The following ADAMTS9 variants were observed in gnomAD, a reference collection of about 807,000 sequenced individuals.
The protein encoded by ADAMTS9 is A disintegrin and metalloproteinase with thrombospondin motifs 9.
In ADAMTS9, 107 loss-of-function variants were observed where a neutral mutation model predicts 257.1. The observed-to-expected ratio is 0.42, with a 90% confidence interval of 0.36 to 0.49. ADAMTS9 has a LOEUF of 0.49. ADAMTS9 is among the 20% of genes least tolerant of loss of function. The pLI is 0.03. For missense variants in ADAMTS9, 2,353 were observed against 2,469.1 expected (o/e 0.95, Z 1.00); for synonymous variants, 982 against 880.9 (o/e 1.11, Z -2.03).
chr3:64,522,116 G>C, intron 39 of ADAMTS9, 50 bp downstream of exon 39: 2 of 1,558,254 alleles, frequency 1.3e-6, no homozygotes, highest in Admixed American at 1.7e-5. Flanking sequence ...ATAGGCTACA[G>C]AAAAAAATAA....
chr3:64,538,762 G>A (rs192435792), intron 37 of ADAMTS9, among the ~76,000 whole-genome samples: 69 of 152,028 alleles, frequency 4.5e-4, no homozygotes, highest in Middle Eastern at 3.4e-3. Context: ...TAATGTTGAC[G>A]GCTTGAAATC....
chr3:64,541,013 G>A (rs1437567335), intron 36 of ADAMTS9, 82 bp downstream of exon 36: 1 of 1,565,788 alleles, frequency 6.4e-7, no homozygotes, highest in Non-Finnish European at 8.7e-7. Context: ...GCACCTCCCT[G>A]CTAGCCAATG....
chr3:64,627,602 G>A (rs6445418), intron 16 of ADAMTS9, among the ~76,000 whole-genome samples: 1 of 151,908 alleles, frequency 6.6e-6, no homozygotes, highest in Non-Finnish European at 1.5e-5. Context: ...TGACAGGAAG[G>A]CTTCCTGCTT....
intron 3 of ADAMTS9, among the ~76,000 whole-genome samples, chr3:64,664,876 T>G (rs1276249746): frequency 6.6e-6 from 1 of 152,254 alleles, no homozygotes; most frequent in East Asian, 1.9e-4. Flanking sequence ...TACACCATTT[T>G]CTTGCTTCTT....
chr3:64,646,579 A>G (rs138838278), intron 11 of ADAMTS9, among the ~76,000 whole-genome samples: 39 of 152,364 alleles, frequency 2.6e-4, no homozygotes, highest in African/African-American at 8.9e-4. Context: ...CTGTATTCTC[A>G]GTTGATGAGG....
intron 23 of ADAMTS9, 23 bp downstream of exon 23, chr3:64,606,937 T>C (rs774976042): frequency 1.2e-6 from 2 of 1,612,488 alleles, no homozygotes; most frequent in African/African-American, 1.3e-5. Context: ...AGTCAATAAC[T>C]GAGTTGGACA....
chr3:64,681,158 A>G (rs1220490771), intron 3 of ADAMTS9, 43 bp downstream of exon 3: 2 of 1,584,742 alleles, frequency 1.3e-6, no homozygotes, highest in Non-Finnish European at 1.7e-6. Context: ...CAATTTACCC[A>G]TCTCAAAGAG....
chr3:64,680,563 T>C (rs2107046698), intron 3 of ADAMTS9, among the ~76,000 whole-genome samples: 1 of 152,174 alleles, frequency 6.6e-6, no homozygotes, highest in Admixed American at 6.5e-5. Flanking sequence ...TGGCCAAACA[T>C]GTCAGCGCAA....
chr3:64,580,712 A>G (rs1017236091), intron 28 of ADAMTS9, among the ~76,000 whole-genome samples: 3 of 152,246 alleles, frequency 2.0e-5, no homozygotes, highest in Non-Finnish European at 2.9e-5. Context: ...CAGAAATGCA[A>G]ATATTCAGCT....
At chr3:64,676,483 T>C (rs1701627067) in intron 3 of ADAMTS9, among the ~76,000 whole-genome samples, 1 of 152,058 alleles carries the variant, frequency 6.6e-6, no homozygotes, top group Admixed American at 6.6e-5. Context: ...ACTTCAGATA[T>C]TCTGTTTACA....
chr3:64,641,246 CT>C (rs61090961), intron 12 of ADAMTS9, among the ~76,000 whole-genome samples: 390 of 144,296 alleles, frequency 2.7e-3, no homozygotes, highest in African/African-American at 4.9e-3. Context: ...AGTGTGCTAT[CT>C]TTTTTTTTTT....
Position 64,686,666 on chromosome 3 carries a change from A to G in ADAMTS9, c.418T>C (p.Tyr140His). 1 of 1,614,192 alleles carries G rather than the reference A, an allele frequency of 6.2e-7. No homozygotes were observed. The highest frequency in any genetic ancestry group is 8.5e-7 in the Non-Finnish European group (1 of 1,180,050). The change falls in exon 2 of 40, where the codon TAT becomes CAT. Residue 140 changes from tyrosine to histidine, a missense_variant. This residue lies in a region of ADAMTS9 where 591 missense variants were observed against 569.6 expected (regional missense o/e 1.04). Transcript: ENST00000498707. This position sits in a 1 kb window ranked among gnomAD's most constrained non-coding sequence, Gnocchi z 4.6. ...TTGAGTTCCGCTTCCTCTTCGGAAT[A>G]AAACTTGGTCTGATTCACCCCGGGC... ...GTPGVNQTKF[Y>H]SEEEAELKHC...
chr3:64,679,501 C>T (rs1386789255), intron 3 of ADAMTS9, among the ~76,000 whole-genome samples: 1 of 152,154 alleles, frequency 6.6e-6, no homozygotes, highest in African/African-American at 2.4e-5. Context: ...GGTACATGTA[C>T]AGTGCTTTGC....
intron 10 of ADAMTS9, 148 bp from the exon 11 acceptor site, chr3:64,648,192 A>T (rs1349714605): frequency 2.8e-6 from 2 of 709,156 alleles, no homozygotes; most frequent in Admixed American, 2.8e-5. Context: ...TAAATGCTAA[A>T]ATATAGACAG....
At chr3:64,673,243 A>C (rs1419208428) in intron 3 of ADAMTS9, among the ~76,000 whole-genome samples, 2 of 152,176 alleles carry the variant, frequency 1.3e-5, no homozygotes, top group African/African-American at 2.4e-5. Flanking sequence ...CCATCAAGGC[A>C]CTTCAGACAA....
At chr3:64,652,590 C>T (rs1367552703) in intron 8 of ADAMTS9, among the ~76,000 whole-genome samples, 1 of 152,104 alleles carries the variant, frequency 6.6e-6, no homozygotes, top group Non-Finnish European at 1.5e-5. Flanking sequence ...AAGTTTATTA[C>T]CTCATGTAAA....
chr3:64,559,226 C>T (rs1218629751), intron 30 of ADAMTS9, among the ~76,000 whole-genome samples: 1 of 152,140 alleles, frequency 6.6e-6, no homozygotes, highest in Admixed American at 6.5e-5. Flanking sequence ...CTCAGTCTTG[C>T]TGCTTTGGGG....
At chr3:64,651,310 G>A in intron 8 of ADAMTS9, 147 bp from the exon 9 acceptor site, 1 of 594,840 alleles carries the variant, frequency 1.7e-6, no homozygotes, top group East Asian at 3.3e-5. Context: ...AGAATAAAAT[G>A]TAAGACAATT....
Position 64,652,204 on chromosome 3 carries a change from C to G in ADAMTS9, c.1317-1041G>C, listed in dbSNP as rs1700948297. 2.6e-5 allele frequency among the ~76,000 whole-genome samples: 4 copies of G among 152,192 alleles called. No homozygotes were observed. In the South Asian group the frequency reaches 8.3e-4, roughly 32 times the overall value. Reference sequence around the variant, plus strand: ...TGATTACAGAAATAAGTGAGTCAGACAGAAGCACATAGACTTGCATCATAT... The same window carrying G: ...TGATTACAGAAATAAGTGAGTCAGAGAGAAGCACATAGACTTGCATCATAT... On this transcript the variant is annotated intron_variant, in intron 8 of 39. Transcript: ENST00000498707.
Sources: gnomAD v4.1 joint callset for allele counts (sites outside exome capture counted in the v4.1 genomes callset) on GRCh38, gnomAD v4.1.1 for gene constraint, gnomAD v4.1.1 regional missense constraint, Gnocchi (gnomAD v3.1) non-coding constraint, MANE v1.5 for transcripts, NCBI Gene and HGNC (gene_info 2026-07-23, HGNC 2026-07-21) for gene names.